The following ZNF525 variants were observed in gnomAD, a reference collection of about 807,000 sequenced individuals.
The protein encoded by ZNF525 is zinc finger protein 525.
Under a neutral mutation model 37.6 loss-of-function variants are expected in ZNF525, and 33 were observed. That is an observed-to-expected ratio of 0.88 (90% confidence interval 0.67 to 1.17). ZNF525 has a LOEUF of 1.17. Ranked by LOEUF, ZNF525 falls within the 50% of genes most tolerant of loss-of-function variation. The pLI, the probability that ZNF525 is intolerant of heterozygous loss-of-function variation, is 0.00. For missense variants in ZNF525, 449 were observed against 543.1 expected, an observed-to-expected ratio of 0.83 and a Z score of 1.72; for synonymous variants, 170 against 182.3, an observed-to-expected ratio of 0.93 and a Z score of 0.54.
intron 2 of ZNF525, among the ~76,000 whole-genome samples, chr19:53,374,681 C>T (rs565628313): frequency 6.6e-6 from 1 of 152,128 alleles, no homozygotes; most frequent in Non-Finnish European, 1.5e-5. Context: ...TACACACACA[C>T]ATATACATAT....
chr19:53,367,808 T>C (rs2085458840), intron 1 of ZNF525, among the ~76,000 whole-genome samples: 1 of 151,894 alleles, frequency 6.6e-6, no homozygotes, highest in South Asian at 2.1e-4. Context: ...GCTAATCTAT[T>C]TTGGTAGATG....
intron 1 of ZNF525, among the ~76,000 whole-genome samples, chr19:53,366,833 A>G (rs2085450904): frequency 7.2e-6 from 1 of 138,456 alleles, no homozygotes; most frequent in Non-Finnish European, 1.5e-5. Context: ...TTTAACGGGG[A>G]GAGCAGAGGA....
At chr19:53,373,875 A>G (rs1226999544) in intron 2 of ZNF525, among the ~76,000 whole-genome samples, 1 of 152,054 alleles carries the variant, frequency 6.6e-6, no homozygotes, top group Non-Finnish European at 1.5e-5. Context: ...TTGGGGCTGC[A>G]TGTGCAGGTT....
In ZNF525 at chr19:53,380,759, A is replaced by G. The variant is rs770447927; in HGVS notation, c.180A>G (p.Ser60=). 7.5e-7 allele frequency: 1 copy of G among 1,331,338 alleles called. No individual in the cohort carries two copies. Among genetic ancestry groups the G allele is most frequent in the South Asian group, 1.2e-5 (1 of 83,872 alleles). 82.5% of individuals were successfully genotyped at this position (1,331,338 alleles called of 1,614,324 possible). Residue 60 remains serine, a synonymous_variant, in exon 4 of 4, where the codon TCA becomes TCG. Coordinates refer to ENST00000474037, the MANE Select transcript of ZNF525 (RefSeq NM_001348156.2). The stretch of plus-strand genomic sequence containing the variant: ...AATGCACAATGAAGGAGTTCTCATC[A>G]ACAGCACAAGGCAATACAGAAGTGA... The part of the protein sequence containing the change: ...SSKCTMKEFS[S]TAQGNTEVIH...
intron 1 of ZNF525, among the ~76,000 whole-genome samples, chr19:53,371,978 G>A (rs972883998): frequency 3.3e-5 from 5 of 152,070 alleles, no homozygotes; most frequent in African/African-American, 4.8e-5. Flanking sequence ...GGTCTGGGTC[G>A]GTGCCCTGAA....
intron 2 of ZNF525, among the ~76,000 whole-genome samples, chr19:53,375,538 C>CTA (rs2085515225): frequency 6.6e-6 from 1 of 152,012 alleles, no homozygotes; most frequent in Non-Finnish European, 1.5e-5. Context: ...TGAGCGGAGA[C>CTA]TATGCCATTG....
chr19:53,373,432 C>T (rs1403911852), intron 2 of ZNF525, among the ~76,000 whole-genome samples: 1 of 152,062 alleles, frequency 6.6e-6, no homozygotes, highest in African/African-American at 2.4e-5. Flanking sequence ...TATATTTAAA[C>T]ATCACATGAT....
Position 53,384,915 on chromosome 19 carries a change from T to C in ZNF525, c.*2896T>C. ...TGCTTGGTTATTTACTCATTTGTCA[T>C]TTCATGGATGTTCTTTCTATTGTTG... On this transcript the variant is annotated 3_prime_UTR_variant, in exon 4 of 4. Transcript: ENST00000474037. The C allele has an allele frequency of 1.4e-6, 1 of 699,800 alleles. No individual in the cohort carries two copies. Among genetic ancestry groups the C allele is most frequent in the South Asian group, 1.5e-5 (1 of 66,824 alleles). 43.3% of individuals were successfully genotyped at this position (699,800 alleles called of 1,614,324 possible).
chr19:53,381,152 C>T lies in ZNF525; in HGVS notation c.573C>T (p.Asn191=), dbSNP rs779796113. ...SCRPKTHISN[N]YGDNFLNYSL... ...GGCCCAAAACCCATATATCTAATAA[C>T]TATGGGGATAATTTTCTGAATTATT... The change falls in exon 4 of 4, where the codon AAC becomes AAT. Residue 191 remains asparagine, a synonymous_variant. Coordinates refer to ENST00000474037, the MANE Select transcript of ZNF525 (RefSeq NM_001348156.2). 5.1e-6 allele frequency: 7 copies of T among 1,380,946 alleles called. No homozygotes were observed. The African/African-American group carries it at 8.6e-5, about 17-fold the overall frequency. 85.5% of individuals were successfully genotyped at this position (1,380,946 alleles called of 1,614,324 possible).
intron 2 of ZNF525, among the ~76,000 whole-genome samples, chr19:53,374,718 A>G (rs1433589601): frequency 6.6e-6 from 1 of 152,228 alleles, no homozygotes; most frequent in East Asian, 1.9e-4. Flanking sequence ...ACACAAATGT[A>G]TATATTTTGA....
intron 3 of ZNF525, among the ~76,000 whole-genome samples, chr19:53,376,904 A>C: frequency 6.6e-6 from 1 of 152,028 alleles, no homozygotes; most frequent in Non-Finnish European, 1.5e-5. Flanking sequence ...CTGGAGGTGG[A>C]GGTTGTGGTG....
chr19:53,366,742 G>T (rs960822889), intron 1 of ZNF525, among the ~76,000 whole-genome samples: 3 of 149,838 alleles, frequency 2.0e-5, no homozygotes, highest in Admixed American at 6.6e-5. Context: ...AGAGAACAGA[G>T]GGAGAACCAC....
rs2085588514 is a variant in ZNF525, at chr19:53,384,137, T to G, written c.*2118T>G. 1 of 411,306 alleles carries G rather than the reference T, an allele frequency of 2.4e-6. No individual in the cohort carries two copies. The highest frequency in any genetic ancestry group is 2.1e-5 in the African/African-American group (1 of 47,932). The allele number at this position is 411,306 out of a possible 1,614,324, so 25.5% of individuals were successfully genotyped here. ...GAGTCAGTTCAGCATTGACTTGAGT[T>G]TGAGTTGACTTAACATTGAGTTCAA... is the stretch of plus-strand genomic sequence containing the variant. On this transcript the variant is annotated 3_prime_UTR_variant, in exon 4 of 4. Coordinates refer to ENST00000474037, the MANE Select transcript of ZNF525 (RefSeq NM_001348156.2).
rs544359727 is a variant in ZNF525 at position 53,382,310 on chromosome 19, A to C, written c.*291A>C. 1.8e-5 allele frequency: 25 copies of C among 1,386,480 alleles called. No individual in the cohort carries two copies. The Admixed American group carries it at 2.2e-4, about 12-fold the overall frequency. The allele number at this position is 1,386,480 out of a possible 1,614,324, so 85.9% of individuals were successfully genotyped here. A position where few individuals can be genotyped will look rare whatever the true frequency, so the allele number is the denominator to read the frequency against. ...ATCATAGACTTCATACTGGAGAGAA[A>C]CCTTACAAATGTGAAGAATGTGATG... On this transcript the variant is annotated 3_prime_UTR_variant, in exon 4 of 4. Transcript: ENST00000474037.
At position 53,382,868 on chromosome 19, in the gene ZNF525, C is replaced by T; in HGVS notation, c.*849C>T. On this transcript the variant is annotated 3_prime_UTR_variant, in exon 4 of 4. Coordinates refer to ENST00000474037, the MANE Select transcript of ZNF525 (RefSeq NM_001348156.2). ...CAGATTCAAATCAAACCTTGAAAGT[C>T]ATAGGAGAATTCATACTAGAGAGAA... 7.3e-7 allele frequency: 1 copy of T among 1,365,732 alleles called. No homozygotes were observed. The highest frequency in any genetic ancestry group is 1.4e-5 in the African/African-American group (1 of 69,760). The allele number at this position is 1,365,732 out of a possible 1,614,324, so 84.6% of individuals were successfully genotyped here.
At chr19:53,368,988 CTG>C (rs1203598529) in intron 1 of ZNF525, among the ~76,000 whole-genome samples, 3 of 152,228 alleles carry the variant, frequency 2.0e-5, no homozygotes, top group South Asian at 2.1e-4. Context: ...GCATACGTAT[CTG>C]TAGTCATTTC....
rs572076035 is a variant in ZNF525 at position 53,380,947 on chromosome 19, C to G, written c.368C>G (p.Thr123Arg). ...MTKIKKLMGS[T>R]EQYDHRHAGN... ...AAAATCAAAAAATTGATGGGTAGTA[C>G]AGAGCAATATGATCACAGGCATGCT... is the stretch of plus-strand genomic sequence containing the variant. Residue 123 changes from threonine to arginine, a missense_variant, in exon 4 of 4, where the codon ACA becomes AGA. Transcript: ENST00000474037. 18 of 1,561,350 alleles carry G rather than the reference C, an allele frequency of 1.2e-5. No individual in the cohort carries two copies. The highest frequency in any genetic ancestry group is 1.6e-5 in the Non-Finnish European group (18 of 1,132,188).
chr19:53,372,152 A>G (rs904898269), intron 1 of ZNF525, 63 bp from the exon 2 acceptor site: 26 of 582,270 alleles, frequency 4.5e-5, no homozygotes, highest in African/African-American at 2.8e-4. Context: ...TGTATGTGTC[A>G]TTGTGTTACA....
intron 3 of ZNF525, among the ~76,000 whole-genome samples, chr19:53,377,209 T>C (rs1310208238): frequency 6.6e-6 from 1 of 152,210 alleles, no homozygotes; most frequent in African/African-American, 2.4e-5. Context: ...CGAAGTTTTG[T>C]TCTTGTCACC....
Sources: gnomAD v4.1 joint callset for allele counts (sites outside exome capture counted in the v4.1 genomes callset) on GRCh38, gnomAD v4.1.1 for gene constraint, MANE v1.5 for transcripts, NCBI Gene and HGNC (gene_info 2026-07-23, HGNC 2026-07-21) for gene names.